TTC39B: variants seen among roughly 807,000 people sequenced by gnomAD.
The protein encoded by TTC39B is tetratricopeptide repeat protein 39B.
A neutral mutation model predicts 96.6 loss-of-function variants in TTC39B; 92 were observed. The ratio of observed to expected loss-of-function variants is 0.95; its 90% CI spans 0.80 to 1.13. The LOEUF is 1.13. TTC39B is among the 50% of genes most tolerant of loss of function. TTC39B has a pLI of 0.00. For missense variants in TTC39B, 955 were observed against 809.3 expected (o/e 1.18, Z -2.18); for synonymous variants, 367 against 299.4 (o/e 1.23, Z -2.33).
intron 7 of TTC39B, among the ~76,000 whole-genome samples, chr9:15,200,448 A>T (rs886209063): frequency 6.6e-6 from 1 of 152,216 alleles, no homozygotes; most frequent in African/African-American, 2.4e-5. Context: ...TGGTTTCTGA[A>T]GTGGCTGTCA....
chr9:15,169,428 C>G (rs1187044791), exon 20 of TTC39B: 1 of 152,034 alleles, frequency 6.6e-6, no homozygotes, highest in Non-Finnish European at 1.5e-5. Context: ...CAATCAGAAC[C>G]CTGCCTCTCC....
intron 14 of TTC39B, among the ~76,000 whole-genome samples, 200 bp from the exon 15 acceptor site, chr9:15,187,235 T>C (rs1026082385): frequency 2.0e-5 from 3 of 152,220 alleles, no homozygotes; most frequent in Non-Finnish European, 2.9e-5. Flanking sequence ...ATTTTCCTAT[T>C]ATACAACTAC....
intron 9 of TTC39B, 75 bp from the exon 10 acceptor site, chr9:15,191,330 C>A (rs1818846231): frequency 1.0e-6 from 1 of 988,884 alleles, no homozygotes; most frequent in Non-Finnish European, 1.5e-6. Flanking sequence ...TAACAACTTA[C>A]AGTTTTAATG....
At chr9:15,254,258 T>C (rs1043953866) in intron 2 of TTC39B, among the ~76,000 whole-genome samples, 1 of 152,118 alleles carries the variant, frequency 6.6e-6, no homozygotes, top group Non-Finnish European at 1.5e-5. Flanking sequence ...TGACCAGGGA[T>C]AATTTTATTT....
intron 8 of TTC39B, among the ~76,000 whole-genome samples, chr9:15,194,718 G>A (rs1406148070): frequency 2.6e-5 from 4 of 152,144 alleles, no homozygotes; most frequent in Admixed American, 6.5e-5. Flanking sequence ...AGTTATTACT[G>A]TATCTGTTAA....
chr9:15,305,598 T>A (rs1824729503), intron 1 of TTC39B, among the ~76,000 whole-genome samples: 1 of 151,816 alleles, frequency 6.6e-6, no homozygotes, highest in Admixed American at 6.6e-5. Flanking sequence ...ATTTACCAAG[T>A]ATCTGTGTGC....
chr9:15,289,105 G>A (rs1824085700), intron 1 of TTC39B, among the ~76,000 whole-genome samples: 1 of 152,212 alleles, frequency 6.6e-6, no homozygotes, highest in Non-Finnish European at 1.5e-5. Context: ...TAGCCCCACT[G>A]TATAAGTGAG....
At chr9:15,182,078 T>G (rs988237021) in intron 17 of TTC39B, among the ~76,000 whole-genome samples, 1 of 152,236 alleles carries the variant, frequency 6.6e-6, no homozygotes, top group African/African-American at 2.4e-5. Flanking sequence ...TGGTCTTTTA[T>G]GGCTGGCCTG....
At chr9:15,233,360 A>G (rs924187058) in intron 2 of TTC39B, among the ~76,000 whole-genome samples, 3 of 151,326 alleles carry the variant, frequency 2.0e-5, no homozygotes, top group Non-Finnish European at 4.4e-5. Flanking sequence ...CTCTCTCCCC[A>G]CGGTCTCCCT....
At chr9:15,176,836 C>T (rs145043611) in intron 18 of TTC39B, among the ~76,000 whole-genome samples, 92 of 152,238 alleles carry the variant, frequency 6.0e-4, no homozygotes, top group African/African-American at 1.9e-3. Context: ...CATATCTGGC[C>T]CCTGTAAATA....
At chr9:15,292,915 G>T (rs1056218348) in intron 1 of TTC39B, among the ~76,000 whole-genome samples, 4 of 152,100 alleles carry the variant, frequency 2.6e-5, no homozygotes, top group African/African-American at 9.7e-5. Flanking sequence ...TATTATTAAA[G>T]AAAAAACATA....
At chr9:15,243,877 C>A (rs553538457) in intron 2 of TTC39B, among the ~76,000 whole-genome samples, 2 of 152,134 alleles carry the variant, frequency 1.3e-5, no homozygotes, top group South Asian at 4.1e-4. Context: ...CACAGGCTGT[C>A]GCCCAGGCTG....
chr9:15,212,890 A>C (rs1249838223), intron 4 of TTC39B, among the ~76,000 whole-genome samples: 1 of 152,202 alleles, frequency 6.6e-6, no homozygotes, highest in African/African-American at 2.4e-5. Context: ...GGAAGCAATA[A>C]CTTCTAGTAT....
intron 6 of TTC39B, 151 bp downstream of exon 6, chr9:15,209,937 C>T (rs994077836): frequency 8.2e-6 from 5 of 613,104 alleles, no homozygotes; most frequent in African/African-American, 1.9e-5. Flanking sequence ...TCAAAATGAA[C>T]TATTAACAAT....
chr9:15,193,011 A>T (rs1818948658), intron 8 of TTC39B, among the ~76,000 whole-genome samples: 1 of 152,212 alleles, frequency 6.6e-6, no homozygotes, highest in African/African-American at 2.4e-5. Context: ...CCGGCAGCAT[A>T]TCACAGCGGA....
rs757384314 is a variant in TTC39B at position 15,221,784 on chromosome 9, T to C, written c.371+4133A>G. Among the ~76,000 whole-genome samples, 32 of 152,240 alleles carry C rather than the reference T, an allele frequency of 2.1e-4. 1 individual carries two copies. The highest frequency in any genetic ancestry group is 1.4e-3 in the Admixed American group (21 of 15,276). On this transcript the variant is annotated intron_variant, in intron 3 of 19. Transcript: ENST00000512701. ...GTCTACATAACCAAAACATGATATA[T>C]AAATTCCTTTAAATTATTATACCTT...
At chr9:15,186,624 T>C (rs969630828) in intron 15 of TTC39B, 11 of 192,822 alleles carry the variant, frequency 5.7e-5, no homozygotes, top group African/African-American at 2.3e-4. Context: ...AAATGAACTT[T>C]ACAGTAAAAA....
chr9:15,264,025 G>C (rs779559275), intron 2 of TTC39B, among the ~76,000 whole-genome samples: 3 of 152,188 alleles, frequency 2.0e-5, no homozygotes, highest in Non-Finnish European at 4.4e-5. Flanking sequence ...AGAAACTGCT[G>C]GCAGATAAAT....
chr9:15,270,674 A>G (rs561025119), intron 1 of TTC39B, among the ~76,000 whole-genome samples: 3,931 of 151,698 alleles, frequency 0.026, 174 homozygotes, highest in African/African-American at 0.09. Flanking sequence ...CAGCTACTCG[A>G]GAGGCTGAGG....
Sources: gnomAD v4.1 joint callset for allele counts (sites outside exome capture counted in the v4.1 genomes callset) on GRCh38, gnomAD v4.1.1 for gene constraint, MANE v1.5 for transcripts, NCBI Gene and HGNC (gene_info 2026-07-23, HGNC 2026-07-21) for gene names.